The following RUNX1 variants were observed in gnomAD, a reference collection of about 807,000 sequenced individuals.
RUNX1 encodes the protein runt-related transcription factor 1.
RUNX1 carries 19 observed loss-of-function variants against 42.8 expected under a neutral mutation model. The observed-to-expected ratio is 0.44, with a 90% confidence interval of 0.31 to 0.65. The LOEUF (loss-of-function observed/expected upper bound fraction) is 0.65, where lower values mean the gene tolerates loss of function less well. RUNX1 is among the 30% of genes least tolerant of loss of function. The pLI is 0.07. For missense variants in RUNX1, 528 were observed against 672.0 expected (o/e 0.79, Z 2.37); for synonymous variants, 271 against 289.4 (o/e 0.94, Z 0.64).
intron 6 of RUNX1, among the ~76,000 whole-genome samples, chr21:34,847,480 T>C (rs1043950405): frequency 4.7e-5 from 7 of 149,666 alleles, no homozygotes; most frequent in Admixed American, 3.3e-4. Context: ...AAAACAATAA[T>C]AGATTTTCTA....
intron 2 of RUNX1, among the ~76,000 whole-genome samples, chr21:34,958,382 G>A (rs950476626): frequency 5.9e-5 from 9 of 152,132 alleles, no homozygotes; most frequent in African/African-American, 2.2e-4. Context: ...ATCAAAAAGT[G>A]GGCAAAGGAT....
chr21:34,966,762 C>T lies in RUNX1; in HGVS notation c.59-73799G>A, dbSNP rs200525716. 4.4e-4 allele frequency among the ~76,000 whole-genome samples: 67 copies of T among 152,150 alleles called. 2 individuals carry two copies. The highest frequency in any genetic ancestry group is 1.1e-3 in the African/African-American group (47 of 41,488). On this transcript the variant is annotated intron_variant, in intron 2 of 8. Transcript: ENST00000675419. ...CTGAAAATGCTATTATGGTTATATACGCCATAAAAGAATTGTAGTAATGTT... is the reference window on the plus strand; with the variant it reads ...CTGAAAATGCTATTATGGTTATATATGCCATAAAAGAATTGTAGTAATGTT...
At position 34,887,101 on chromosome 21, in the gene RUNX1, G is replaced by C. The variant is rs1207133172; in HGVS notation, c.98-5C>G. 5 of 1,597,952 alleles carry C rather than the reference G, an allele frequency of 3.1e-6. No individual in the cohort carries two copies. Among genetic ancestry groups the C allele is most frequent in the South Asian group, 1.1e-5 (1 of 91,048 alleles). ...AGCGGCGGCTCGTGCTGGCATCTAC[G>C]GGGATACGCATCACAACAAGCCGAT... On this transcript the variant is annotated splice_region_variant and splice_polypyrimidine_tract_variant and intron_variant, in intron 3 of 8. Transcript: ENST00000675419.
intron 2 of RUNX1, among the ~76,000 whole-genome samples, chr21:34,986,057 G>A (rs2146809230): frequency 6.6e-6 from 1 of 151,936 alleles, no homozygotes; most frequent in South Asian, 2.1e-4. Flanking sequence ...ATTTTTTGTA[G>A]AGATGGGTTT....
chr21:35,037,236 C>T (rs2059315006), intron 2 of RUNX1, among the ~76,000 whole-genome samples: 1 of 152,182 alleles, frequency 6.6e-6, no homozygotes, highest in African/African-American at 2.4e-5. Flanking sequence ...GGTTTCTCCC[C>T]ACCCCAGCAT....
chr21:34,950,512 G>A (rs1161841042), intron 2 of RUNX1, among the ~76,000 whole-genome samples: 1 of 152,196 alleles, frequency 6.6e-6, no homozygotes, highest in African/African-American at 2.4e-5. Context: ...GCCGAGGCAG[G>A]TGGATCACTT....
chr21:34,985,163 A>C, intron 2 of RUNX1, among the ~76,000 whole-genome samples: 1 of 152,346 alleles, frequency 6.6e-6, no homozygotes, highest in Non-Finnish European at 1.5e-5. Flanking sequence ...AGAACTTAGC[A>C]CTCCATTGAA....
chr21:34,940,481 T>C (rs2058518468), intron 2 of RUNX1, among the ~76,000 whole-genome samples: 1 of 152,260 alleles, frequency 6.6e-6, no homozygotes, highest in Non-Finnish European at 1.5e-5. Flanking sequence ...ATCAGTTCTC[T>C]GATAGCGCAA....
chr21:34,831,108 T>G (rs1027570789), intron 7 of RUNX1, among the ~76,000 whole-genome samples: 12 of 152,194 alleles, frequency 7.9e-5, no homozygotes, highest in Non-Finnish European at 1.2e-4. Context: ...TGTTCTATCT[T>G]TTGAAATAAA....
chr21:34,968,789 T>C lies in RUNX1; in HGVS notation c.59-75826A>G, dbSNP rs371991355. On this transcript the variant is annotated intron_variant, in intron 2 of 8. Coordinates refer to ENST00000675419, the MANE Select transcript of RUNX1 (RefSeq NM_001754.5). Reference sequence around the variant, plus strand: ...ATGATTCACCTGAGGGTAACTGCCCTTTGTGATTTGAAAGAATGATGCTAA... The same window carrying C: ...ATGATTCACCTGAGGGTAACTGCCCCTTGTGATTTGAAAGAATGATGCTAA... Among the ~76,000 whole-genome samples, 514 of 152,230 alleles carry C rather than the reference T, an allele frequency of 3.4e-3. 2 individuals are homozygous for C. The highest frequency in any genetic ancestry group is 0.012 in the African/African-American group (498 of 41,524).
intron 6 of RUNX1, among the ~76,000 whole-genome samples, chr21:34,848,919 A>G (rs1418922447): frequency 8.5e-5 from 13 of 152,150 alleles, no homozygotes; most frequent in Admixed American, 7.9e-4. Flanking sequence ...CCATAAATCT[A>G]TGTAGTATCT....
At chr21:34,966,594 C>T (rs1454004231) in intron 2 of RUNX1, among the ~76,000 whole-genome samples, 1 of 152,190 alleles carries the variant, frequency 6.6e-6, no homozygotes, top group East Asian at 1.9e-4. Context: ...CTCACTCTGT[C>T]ATGGACATTC....
At chr21:34,835,266 C>G (rs1331063616) in intron 6 of RUNX1, among the ~76,000 whole-genome samples, 1 of 152,136 alleles carries the variant, frequency 6.6e-6, no homozygotes, top group Non-Finnish European at 1.5e-5. Flanking sequence ...CCCCATGTAC[C>G]CCTAAGGAGG....
chr21:34,958,566 A>T (rs1427413652), intron 2 of RUNX1, among the ~76,000 whole-genome samples: 1 of 152,174 alleles, frequency 6.6e-6, no homozygotes, highest in Non-Finnish European at 1.5e-5. Flanking sequence ...GCTGGAGAGG[A>T]TGTGGAGAAA....
rs187219913 is a variant in RUNX1, at chr21:35,039,518, A to G, written c.58+9324T>C. 2.6e-3 allele frequency among the ~76,000 whole-genome samples: 392 copies of G among 152,334 alleles called. 4 individuals are homozygous for G. Among genetic ancestry groups the G allele is most frequent in the African/African-American group, 8.8e-3 (364 of 41,572 alleles). On this transcript the variant is annotated intron_variant, in intron 2 of 8. Coordinates refer to ENST00000675419, the MANE Select transcript of RUNX1 (RefSeq NM_001754.5). ...CAGAACTATATATATACATAACTCTATATAACTCTATGACACAGCACATAA... is the reference window on the plus strand; with the variant it reads ...CAGAACTATATATATACATAACTCTGTATAACTCTATGACACAGCACATAA...
intron 8 of RUNX1, among the ~76,000 whole-genome samples, chr21:34,794,616 C>T (rs529302127): frequency 2.6e-5 from 4 of 152,252 alleles, no homozygotes; most frequent in Non-Finnish European, 5.9e-5. Flanking sequence ...GTTTCACCAA[C>T]TGGCTTTAGG....
intron 2 of RUNX1, among the ~76,000 whole-genome samples, chr21:34,944,493 G>A (rs1027698914): frequency 6.6e-6 from 1 of 152,212 alleles, no homozygotes; most frequent in Admixed American, 6.5e-5. Context: ...GTGTGGGTAC[G>A]AATGCCAGCA....
At chr21:34,881,037 T>C (rs1339026338) in intron 4 of RUNX1, among the ~76,000 whole-genome samples, 1 of 152,196 alleles carries the variant, frequency 6.6e-6, no homozygotes, top group Non-Finnish European at 1.5e-5. Flanking sequence ...ATACTAAATT[T>C]ACCTCATAAA....
chr21:34,867,244 A>AAAAAT (rs1208125731), intron 5 of RUNX1, among the ~76,000 whole-genome samples: 4 of 152,008 alleles, frequency 2.6e-5, no homozygotes, highest in Non-Finnish European at 5.9e-5. Flanking sequence ...CAAAAATATA[A>AAAAAT]AAAATAAAAT....
Sources: allele counts gnomAD v4.1 joint callset (sites outside exome capture counted in the v4.1 genomes callset), GRCh38; gene constraint gnomAD v4.1.1; transcripts MANE v1.5; gene names NCBI Gene and HGNC (gene_info 2026-07-23, HGNC 2026-07-21).